The following TMEM131L variants were observed in gnomAD, a reference collection of about 807,000 sequenced individuals.
TMEM131L encodes transmembrane protein 131-like.
Under a neutral mutation model 192.2 loss-of-function variants are expected in TMEM131L, and 54 were observed. That is an observed-to-expected ratio of 0.28 (90% CI 0.23 to 0.35). TMEM131L has a LOEUF of 0.35. Ranked by LOEUF, TMEM131L falls within the 10% of genes least tolerant of loss-of-function variation. The pLI, the probability that TMEM131L is intolerant of heterozygous loss-of-function variation, is 1.00. For synonymous variants in TMEM131L, 701 were observed against 704.9 expected (o/e 0.99, Z 0.09); for missense variants, 1,888 against 1,972.9 (o/e 0.96, Z 0.82).
intron 3 of TMEM131L, among the ~76,000 whole-genome samples, chr4:153,520,904 A>G (rs1037455784): frequency 5.3e-5 from 8 of 152,194 alleles, no homozygotes; most frequent in Non-Finnish European, 7.3e-5. Context: ...TGCTTTTTCA[A>G]TCAACGTCTT....
chr4:153,508,605 C>A (rs961202681), intron 3 of TMEM131L, among the ~76,000 whole-genome samples: 4 of 151,962 alleles, frequency 2.6e-5, no homozygotes, highest in African/African-American at 9.7e-5. Context: ...AATAGACTCC[C>A]AGTAAAAATT....
chr4:153,574,699 A>G (rs189323504), intron 7 of TMEM131L, among the ~76,000 whole-genome samples: 2 of 152,272 alleles, frequency 1.3e-5, no homozygotes, highest in Admixed American at 6.5e-5. Flanking sequence ...GCAATTCCCC[A>G]GCTTCAGCCT....
rs1189782549 is a variant in TMEM131L at position 153,467,923 on chromosome 4, T to C, written c.195+642T>C. ...TACAGTACTGCAAAGCTTTTAACTT[T>C]TACAAGAAATTCCCATTGACTGTGA... On this transcript the variant is annotated intron_variant, in intron 2 of 34. Transcript: ENST00000409959. Among the ~76,000 whole-genome samples, 4 of 152,250 alleles carry C rather than the reference T, an allele frequency of 2.6e-5. No homozygotes were observed. In the East Asian group the frequency reaches 7.7e-4, roughly 29 times the overall value.
At chr4:153,556,368 AAGCTG>A (rs954263150) in intron 5 of TMEM131L, among the ~76,000 whole-genome samples, 1 of 152,204 alleles carries the variant, frequency 6.6e-6, no homozygotes, top group African/African-American at 2.4e-5. Context: ...GCTCCTTGTA[AAGCTG>A]ATTGGCACCA....
intron 3 of TMEM131L, among the ~76,000 whole-genome samples, chr4:153,506,497 T>C (rs1733991628): frequency 6.6e-6 from 1 of 151,954 alleles, no homozygotes; most frequent in Non-Finnish European, 1.5e-5. Context: ...TGTTAGAGGG[T>C]GAACTGCTTC....
rs539555822 is a variant in TMEM131L, at chr4:153,485,731, C to T, written c.239+11843C>T. On this transcript the variant is annotated intron_variant, in intron 3 of 34. Coordinates refer to ENST00000409959, the MANE Select transcript of TMEM131L (RefSeq NM_001131007.2). ...ATGCATTTTTGGTGGAGTAATTCTT[C>T]TAGGATTGTAATTAATCCTGTTTCT... is the stretch of plus-strand genomic sequence containing the variant. Among the ~76,000 whole-genome samples, 33 of 152,302 alleles carry T rather than the reference C, an allele frequency of 2.2e-4. No individual in the cohort carries two copies. The South Asian group carries it at 6.0e-3, about 28-fold the overall frequency.
At chr4:153,510,175 C>T (rs980471412) in intron 3 of TMEM131L, among the ~76,000 whole-genome samples, 1 of 151,886 alleles carries the variant, frequency 6.6e-6, no homozygotes, top group African/African-American at 2.4e-5. Context: ...TGGTATGCTT[C>T]CCTATCATCT....
Position 153,588,876 on chromosome 4 carries a change from G to C in TMEM131L, c.1553-14G>C. 1.6e-6 allele frequency: 2 copies of C among 1,288,282 alleles called. No homozygotes were observed. Among genetic ancestry groups the C allele is most frequent in the Non-Finnish European group, 2.3e-6 (2 of 884,238 alleles). The allele number at this position is 1,288,282 out of a possible 1,614,324, so 79.8% of individuals were successfully genotyped here. On this transcript the variant is annotated splice_polypyrimidine_tract_variant and intron_variant, in intron 15 of 34. Transcript: ENST00000409959. ...TTCTGTAAATCTAAATATGGAATCT[G>C]ATCTAACTTTTAGGAAATCCTAATT...
At chr4:153,536,719 T>TCTCCCTCC (rs746417436) in intron 3 of TMEM131L, among the ~76,000 whole-genome samples, 6 of 105,744 alleles carry the variant, frequency 5.7e-5, no homozygotes, top group Non-Finnish European at 9.2e-5. Flanking sequence ...TGTCTATCTA[T>TCTCCCTCC]CTCCCTCCCT....
intron 34 of TMEM131L, 90 bp downstream of exon 34, chr4:153,635,661 C>T (rs552216133): frequency 2.7e-5 from 40 of 1,473,926 alleles, no homozygotes; most frequent in Non-Finnish European, 3.2e-5. Context: ...CTAGCTTTAG[C>T]GTTGGGTTTG....
Position 153,603,296 on chromosome 4 carries a change from TC to T in TMEM131L, c.2640-5del. ...GCAATACTGAACCTTGTTGCTTTCTTCCTCAGTTTGTCCCTGTTGGGTGTGA... is the reference window on the plus strand; with the variant it reads ...GCAATACTGAACCTTGTTGCTTTCTTCTCAGTTTGTCCCTGTTGGGTGTGA... On this transcript the variant is annotated splice_region_variant and splice_polypyrimidine_tract_variant and intron_variant, in intron 23 of 34. Coordinates refer to ENST00000409959, the MANE Select transcript of TMEM131L (RefSeq NM_001131007.2). 1 of 1,612,340 alleles carries T rather than the reference TC, an allele frequency of 6.2e-7. No homozygotes were observed. Among genetic ancestry groups the T allele is most frequent in the South Asian group, 1.1e-5 (1 of 90,750 alleles).
intron 25 of TMEM131L, among the ~76,000 whole-genome samples, chr4:153,609,050 TACTC>T (rs1732437113): frequency 6.6e-6 from 1 of 152,226 alleles, no homozygotes; most frequent in Admixed American, 6.5e-5. Flanking sequence ...GGTACACTCT[TACTC>T]AGTGAGGTCA....
intron 3 of TMEM131L, among the ~76,000 whole-genome samples, chr4:153,527,410 T>C (rs1460330450): frequency 4.6e-5 from 7 of 152,042 alleles, no homozygotes; most frequent in Non-Finnish European, 1.5e-5. Context: ...GTAGCTGAGA[T>C]TTCAGGTGTG....
At chr4:153,466,777 C>T (rs1014431190) in intron 1 of TMEM131L, among the ~76,000 whole-genome samples, 16 of 152,258 alleles carry the variant, frequency 1.1e-4, no homozygotes, top group African/African-American at 3.4e-4. Flanking sequence ...GCCCTGGAGC[C>T]TTTGTGCGCG....
chr4:153,625,734 C>G (rs1211237704), intron 29 of TMEM131L, among the ~76,000 whole-genome samples: 1 of 151,932 alleles, frequency 6.6e-6, no homozygotes, highest in African/African-American at 2.4e-5. Flanking sequence ...ATGGCAAAAC[C>G]CCATCTCTAC....
chr4:153,544,925 T>G (rs1205956565), intron 3 of TMEM131L, among the ~76,000 whole-genome samples: 7 of 152,214 alleles, frequency 4.6e-5, no homozygotes, highest in African/African-American at 1.7e-4. Context: ...GTCAGCAGTC[T>G]CTGGCCCTGC....
chr4:153,541,514 G>A (rs1310761959), intron 3 of TMEM131L, among the ~76,000 whole-genome samples: 3 of 152,196 alleles, frequency 2.0e-5, no homozygotes, highest in South Asian at 2.1e-4. Context: ...CAGCTGAGGG[G>A]CGTTGCAAGC....
intron 21 of TMEM131L, among the ~76,000 whole-genome samples, chr4:153,599,799 T>C (rs1731706514): frequency 6.6e-6 from 1 of 152,230 alleles, no homozygotes; most frequent in African/African-American, 2.4e-5. Flanking sequence ...GGCTTATGCC[T>C]GTAATCCCAG....
intron 1 of TMEM131L, 61 bp from the exon 2 acceptor site, chr4:153,467,150 A>G: frequency 2.7e-6 from 4 of 1,495,162 alleles, no homozygotes; most frequent in Non-Finnish European, 3.7e-6. Flanking sequence ...CGGTAGGGGA[A>G]ACAGGAAGCG....
Sources: gnomAD v4.1 joint callset for allele counts (sites outside exome capture counted in the v4.1 genomes callset) on GRCh38, gnomAD v4.1.1 for gene constraint, MANE v1.5 for transcripts, NCBI Gene and HGNC (gene_info 2026-07-23, HGNC 2026-07-21) for gene names.